Variants in ARHGEF28 observed in about 807,000 individuals in gnomAD.
ARHGEF28 encodes the protein 190 kDa guanine nucleotide exchange factor.
A neutral mutation model predicts 206.6 loss-of-function variants in ARHGEF28; 152 were observed. That is an observed-to-expected ratio of 0.74 (90% CI 0.64 to 0.84). The LOEUF is 0.84. Ranked by LOEUF, ARHGEF28 falls within the 40% of genes least tolerant of loss-of-function variation. ARHGEF28 has a pLI of 0.00. For missense variants in ARHGEF28, 2,028 were observed against 2,073.2 expected, an observed-to-expected ratio of 0.98 and a Z score of 0.42; for synonymous variants, 763 against 776.4, an observed-to-expected ratio of 0.98 and a Z score of 0.29.
At chr5:73,910,906 C>T (rs1490356795) in intron 34 of ARHGEF28, among the ~76,000 whole-genome samples, 1 of 152,064 alleles carries the variant, frequency 6.6e-6, no homozygotes, top group Non-Finnish European at 1.5e-5. Flanking sequence ...TCTGTTTTTC[C>T]TTTTAAGTTG....
chr5:73,638,930 T>G (rs1743889359), intron 1 of ARHGEF28, among the ~76,000 whole-genome samples: 1 of 152,196 alleles, frequency 6.6e-6, no homozygotes, highest in African/African-American at 2.4e-5. Context: ...ATTTCCCCAC[T>G]GATATATTTG....
rs565916993 is a variant in ARHGEF28, at chr5:73,774,002, G to A, written c.623G>A (p.Arg208His). The change falls in exon 5 of 36, where the codon CGT (arginine) becomes CAT (histidine). Residue 208 changes from arginine (R) to histidine (H), a missense_variant. Around this residue, in one of 3 missense-constraint regions of ARHGEF28, gnomAD observed 1,002 missense variants for 1,015.3 expected, o/e 0.99. Coordinates refer to ENST00000513042, the MANE Select transcript of ARHGEF28 (RefSeq NM_001177693.2). ...EGATPLDLAL[R>H]EGHSKLVEDV... ...GCCACACCATTAGACTTAGCTTTAC[G>A]TGAAGGACACTCCAAGCTGGTGGAA... is the stretch of plus-strand genomic sequence containing the variant. 298 of 1,604,102 alleles carry A rather than the reference G, an allele frequency of 1.9e-4. 9 individuals are homozygous for A. The South Asian group carries it at 2.5e-3, about 13-fold the overall frequency.
chr5:73,698,552 G>C (rs923410217), intron 2 of ARHGEF28, among the ~76,000 whole-genome samples: 6 of 152,010 alleles, frequency 3.9e-5, no homozygotes, highest in Non-Finnish European at 7.4e-5. Flanking sequence ...TGGGAGCCTT[G>C]AAGCTTCATT....
chr5:73,745,698 G>A (rs190827070), intron 2 of ARHGEF28, among the ~76,000 whole-genome samples: 6 of 151,980 alleles, frequency 3.9e-5, no homozygotes, highest in African/African-American at 2.4e-5. Flanking sequence ...TTTTATGGGA[G>A]TACTGATGAG....
chr5:73,644,406 A>C (rs1413940843), intron 1 of ARHGEF28, among the ~76,000 whole-genome samples: 1 of 152,130 alleles, frequency 6.6e-6, no homozygotes, highest in Admixed American at 6.6e-5. Context: ...GCTCTCGTCT[A>C]CCTGTTTGCA....
At chr5:73,697,802 G>T (rs992141613) in intron 2 of ARHGEF28, among the ~76,000 whole-genome samples, 3 of 152,118 alleles carry the variant, frequency 2.0e-5, no homozygotes, top group Non-Finnish European at 4.4e-5. Context: ...AGCATCTCAT[G>T]GTGCCCTACA....
At chr5:73,700,831 A>G (rs998991606) in intron 2 of ARHGEF28, among the ~76,000 whole-genome samples, 2 of 152,214 alleles carry the variant, frequency 1.3e-5, no homozygotes, top group African/African-American at 4.8e-5. Flanking sequence ...AAGTCACCAT[A>G]AAATATTGTG....
chr5:73,709,684 T>C (rs1190282766), intron 2 of ARHGEF28, among the ~76,000 whole-genome samples: 1 of 152,176 alleles, frequency 6.6e-6, no homozygotes, highest in African/African-American at 2.4e-5. Flanking sequence ...GCACCTGGGG[T>C]ATGACTGCCC....
intron 4 of ARHGEF28, among the ~76,000 whole-genome samples, chr5:73,768,269 CA>C (rs201773228): frequency 0.019 from 2,943 of 152,262 alleles, 108 homozygotes; most frequent in African/African-American, 0.067. Context: ...AAGAGGGCCA[CA>C]ATCTTCCAGA....
chr5:73,888,443 T>C (rs1761432699), intron 26 of ARHGEF28, among the ~76,000 whole-genome samples: 1 of 152,202 alleles, frequency 6.6e-6, no homozygotes, highest in Non-Finnish European at 1.5e-5. Flanking sequence ...CCTGAGATGC[T>C]TGAGATTCTC....
intron 27 of ARHGEF28, 45 bp from the exon 28 acceptor site, chr5:73,893,152 T>C: frequency 6.9e-7 from 1 of 1,444,020 alleles, no homozygotes; most frequent in Non-Finnish European, 9.3e-7. Flanking sequence ...CTACAGATAC[T>C]TGCATTTGGT....
rs747307077 is a variant in ARHGEF28, at chr5:73,909,763, G to A, written c.4513G>A (p.Glu1505Lys). Residue 1505 changes from glutamate (E) to lysine (K), a missense_variant, in exon 34 of 36, where the codon GAG becomes AAG. Around this residue, in one of 3 missense-constraint regions of ARHGEF28, gnomAD observed 803 missense variants for 768.0 expected, o/e 1.05. Transcript: ENST00000513042. The stretch of plus-strand genomic sequence containing the variant: ...GCTCCAGGAGTACCAGCACAGCCTG[G>A]AGCGGCTGAGGGAGGGCCAGCGCCT... ...LQLQEYQHSL[E>K]RLREGQRLVE... is the part of the protein sequence containing the mutation. The A allele has an allele frequency of 2.0e-6, 3 of 1,513,124 alleles. No homozygotes were observed. The African/African-American group carries it at 4.1e-5, about 21-fold the overall frequency. 93.7% of individuals were successfully genotyped at this position (1,513,124 alleles called of 1,614,324 possible).
intron 2 of ARHGEF28, among the ~76,000 whole-genome samples, chr5:73,719,342 C>G (rs35941431): frequency 1.3e-5 from 2 of 149,322 alleles, no homozygotes; most frequent in South Asian, 4.3e-4. Context: ...ACCCGGGAGG[C>G]GGAGCTTGCA....
In ARHGEF28 at chr5:73,858,141, C is replaced by T. The variant is rs1166442147; in HGVS notation, c.1969C>T (p.Pro657Ser). 1.2e-6 allele frequency: 2 copies of T among 1,612,298 alleles called. No homozygotes were observed. Among genetic ancestry groups the T allele is most frequent in the East Asian group, 2.2e-5 (1 of 44,838 alleles). ...KEKLNRHQFA[P>S]GTFSGVLQCL... ...GAAGCTGAATCGACATCAGTTTGCC[C>T]CAGGAACATTCTCTGGGGTTCTGCA... Residue 657 changes from proline (P) to serine (S), a missense_variant, in exon 16 of 36, where the codon CCA (proline) becomes TCA (serine). By Grantham distance (74) the Pro-to-Ser change is moderately conservative. This residue lies in a region of ARHGEF28 where 1,002 missense variants were observed against 1,015.3 expected (regional missense o/e 0.99). Coordinates refer to ENST00000513042, the MANE Select transcript of ARHGEF28 (RefSeq NM_001177693.2).
chr5:73,893,565 T>C (rs1361542668), intron 28 of ARHGEF28, among the ~76,000 whole-genome samples: 1 of 152,202 alleles, frequency 6.6e-6, no homozygotes, highest in Non-Finnish European at 1.5e-5. Context: ...GTTGGAATTA[T>C]TTGTCTCATG....
intron 9 of ARHGEF28, among the ~76,000 whole-genome samples, chr5:73,825,380 G>A (rs1212991230): frequency 1.3e-5 from 2 of 152,216 alleles, no homozygotes; most frequent in African/African-American, 2.4e-5. Flanking sequence ...GCAAGTGCAA[G>A]TGGCCTGAGG....
At chr5:73,650,457 G>C (rs574937542) in intron 1 of ARHGEF28, among the ~76,000 whole-genome samples, 1 of 150,466 alleles carries the variant, frequency 6.6e-6, no homozygotes, top group African/African-American at 2.4e-5. Flanking sequence ...GCTAATTTTT[G>C]TATTTTTAGT....
chr5:73,907,003 G>A (rs895593274), intron 33 of ARHGEF28, among the ~76,000 whole-genome samples: 3 of 152,026 alleles, frequency 2.0e-5, no homozygotes, highest in African/African-American at 7.3e-5. Context: ...TCATTTTCTT[G>A]GCTTACTGCT....
chr5:73,897,513 G>A (rs1158816763), intron 29 of ARHGEF28, among the ~76,000 whole-genome samples: 3 of 152,104 alleles, frequency 2.0e-5, no homozygotes, highest in Non-Finnish European at 4.4e-5. Context: ...ATATTTCTGG[G>A]CAACAGGTTT....
Sources: allele counts gnomAD v4.1 joint callset (sites outside exome capture counted in the v4.1 genomes callset), GRCh38; gene constraint gnomAD v4.1.1; regional missense constraint gnomAD v4.1.1; transcripts MANE v1.5; gene names NCBI Gene and HGNC (gene_info 2026-07-23, HGNC 2026-07-21).